Variants in BICC1 observed in about 807,000 individuals in gnomAD.
BICC1 encodes BicC family RNA binding protein 1, also known as protein bicaudal C homolog 1.
BICC1 carries 43 observed loss-of-function variants against 111.0 expected under a neutral mutation model. The observed-to-expected ratio is 0.39, with a 90% CI of 0.30 to 0.50. BICC1 has a LOEUF of 0.50. Among genes scored for constraint, BICC1 ranks in the 20% least tolerant of loss-of-function variants. BICC1 has a pLI of 0.88. For synonymous variants in BICC1, 467 were observed against 434.4 expected, an observed-to-expected ratio of 1.07 and a Z score of -0.93; for missense variants, 1,091 against 1,203.2, an observed-to-expected ratio of 0.91 and a Z score of 1.38.
At chr10:58,731,041 C>T (rs956062113) in intron 3 of BICC1, among the ~76,000 whole-genome samples, 3 of 152,208 alleles carry the variant, frequency 2.0e-5, no homozygotes, top group Non-Finnish European at 4.4e-5. Flanking sequence ...GTACCAGTTT[C>T]AGATAACATC....
intron 3 of BICC1, chr10:58,715,542 C>T: frequency 6.9e-7 from 1 of 1,459,414 alleles, no homozygotes; most frequent in Non-Finnish European, 9.6e-7. Flanking sequence ...ACTGTGTGCT[C>T]AGTCCAGCAC....
intron 3 of BICC1, among the ~76,000 whole-genome samples, chr10:58,769,814 TGAGGG>T (rs986072937): frequency 1.3e-5 from 2 of 152,078 alleles, no homozygotes; most frequent in African/African-American, 4.8e-5. Flanking sequence ...GCTAGGGAGC[TGAGGG>T]GAACTCAAAA....
At chr10:58,638,565 C>T (rs539890342) in intron 2 of BICC1, among the ~76,000 whole-genome samples, 1 of 152,298 alleles carries the variant, frequency 6.6e-6, no homozygotes, top group East Asian at 1.9e-4. Context: ...ACATGGGTCA[C>T]CCAGAGTTCA....
rs369213801 is a variant in BICC1, at chr10:58,800,229, A to T, written c.1761A>T (p.Ser587=). 6.2e-7 allele frequency: 1 copy of T among 1,609,534 alleles called. No homozygotes were observed. The highest frequency in any genetic ancestry group is 1.1e-5 in the South Asian group (1 of 90,896). ...TAAAATATGGTGCAATATCCACTTC[A>T]TCACTTGGAGAAAAAGTGCTGAGTG... ...PDIKYGAIST[S]SLGEKVLSAN... The change falls in exon 13 of 21, where the codon TCA becomes TCT. Residue 587 remains serine, a synonymous_variant. Transcript: ENST00000373886.
At position 58,715,641 on chromosome 10, in the gene BICC1, A is replaced by G. The variant is rs1050961862; in HGVS notation, c.307+13498A>G. ...TCCAATCCAGTCTTCAGGGCCAACA[A>G]TACAGGATTATCTGAATTGACCAAG... On this transcript the variant is annotated intron_variant, in intron 3 of 20. Coordinates refer to ENST00000373886, the MANE Select transcript of BICC1 (RefSeq NM_001080512.3). 3.7e-6 allele frequency: 6 copies of G among 1,605,632 alleles called. No individual in the cohort carries two copies. The African/African-American group carries it at 5.4e-5, about 14-fold the overall frequency.
chr10:58,589,461 C>T (rs369483160), intron 1 of BICC1, among the ~76,000 whole-genome samples: 4 of 148,846 alleles, frequency 2.7e-5, no homozygotes, highest in African/African-American at 9.9e-5. Flanking sequence ...TACAGCTTTA[C>T]TTTTTTTTTT....
At chr10:58,750,760 T>C (rs1188228223) in intron 3 of BICC1, among the ~76,000 whole-genome samples, 2 of 152,202 alleles carry the variant, frequency 1.3e-5, no homozygotes, top group Non-Finnish European at 2.9e-5. Flanking sequence ...ATAATCCAGC[T>C]ATTACCATTT....
chr10:58,789,932 T>C lies in BICC1; in HGVS notation c.1046T>C (p.Met349Thr). Residue 349 changes from methionine (M) to threonine (T), a missense_variant and splice_region_variant, in exon 8 of 21, where the codon ATG (methionine) becomes ACG (threonine). Met to Thr is a moderately conservative substitution (Grantham distance 81). Transcript: ENST00000373886. ...ESVCLARQYL[M>T]GCLPLVLMFD... ...GTCTGTCTTGCAAGGCAATATCTCA[T>C]GGTAAGGTTACTGAAATAAGTGTTA... The C allele has an allele frequency of 1.2e-6, 2 of 1,613,988 alleles. No homozygotes were observed. Among genetic ancestry groups the C allele is most frequent in the South Asian group, 1.1e-5 (1 of 91,058 alleles).
chr10:58,793,681 A>G, intron 9 of BICC1, 66 bp downstream of exon 9: 2 of 1,540,126 alleles, frequency 1.3e-6, no homozygotes, highest in East Asian at 2.3e-5. Context: ...TTTATTTTGC[A>G]TAGAAGTATT....
At chr10:58,802,647 A>G (rs1420068047) in intron 14 of BICC1, among the ~76,000 whole-genome samples, 2 of 152,210 alleles carry the variant, frequency 1.3e-5, no homozygotes, top group African/African-American at 4.8e-5. Flanking sequence ...CTTCAAATTG[A>G]CTGGATCTCT....
intron 1 of BICC1, among the ~76,000 whole-genome samples, chr10:58,571,458 A>C (rs1843948562): frequency 6.6e-6 from 1 of 151,914 alleles, no homozygotes. Context: ...CCCAGCATCC[A>C]CTACTTATTC....
At chr10:58,773,459 G>T (rs1842671213) in intron 3 of BICC1, among the ~76,000 whole-genome samples, 1 of 152,182 alleles carries the variant, frequency 6.6e-6, no homozygotes, top group Non-Finnish European at 1.5e-5. Flanking sequence ...AGCAAGCAAT[G>T]GATATTAATA....
At position 58,831,432 on chromosome 10, in the gene BICC1, G is replaced by A. The variant is rs1844547304; in HGVS notation, c.*2541G>A. 1.3e-5 allele frequency: 2 copies of A among 149,908 alleles called. No homozygotes were observed. The highest frequency in any genetic ancestry group is 1.5e-5 in the Non-Finnish European group (1 of 67,724). The allele number at this position is 149,908 out of a possible 1,614,324, so 9.3% of individuals were successfully genotyped here. On this transcript the variant is annotated 3_prime_UTR_variant, in exon 21 of 21. Transcript: ENST00000373886. ...TATATAACCCCTTTGTATTGCTCTT[G>A]CTATATGAAGCGTGTCTTTTTTTAA... is the stretch of plus-strand genomic sequence containing the variant.
chr10:58,829,252 G>A lies in BICC1; in HGVS notation c.*361G>A, dbSNP rs1309693706. ...AAAATGAAGGATGAATTGACATCTGGGATGCCAGAAGACTTAGAAGTTATT... is the reference window on the plus strand; with the variant it reads ...AAAATGAAGGATGAATTGACATCTGAGATGCCAGAAGACTTAGAAGTTATT... On this transcript the variant is annotated 3_prime_UTR_variant, in exon 21 of 21. Coordinates refer to ENST00000373886, the MANE Select transcript of BICC1 (RefSeq NM_001080512.3). 5.0e-5 allele frequency: 7 copies of A among 140,096 alleles called. No homozygotes were observed. Among genetic ancestry groups the A allele is most frequent in the African/African-American group, 2.0e-4 (7 of 35,164 alleles). 8.7% of individuals were successfully genotyped at this position (140,096 alleles called of 1,614,324 possible). A position where few individuals can be genotyped will look rare whatever the true frequency, so the allele number is the denominator to read the frequency against.
intron 3 of BICC1, among the ~76,000 whole-genome samples, chr10:58,757,486 A>G (rs1253462309): frequency 1.3e-5 from 2 of 152,164 alleles, no homozygotes; most frequent in Admixed American, 1.3e-4. Flanking sequence ...TTAAGAATGC[A>G]GAAGTAAATA....
chr10:58,569,352 T>A (rs1481764839), intron 1 of BICC1, among the ~76,000 whole-genome samples: 1 of 152,164 alleles, frequency 6.6e-6, no homozygotes, highest in Non-Finnish European at 1.5e-5. Flanking sequence ...AAGGAATATA[T>A]GTACATGCCA....
At position 58,683,983 on chromosome 10, in the gene BICC1, C is replaced by T. The variant is rs151326087; in HGVS notation, c.238-18091C>T. On this transcript the variant is annotated intron_variant, in intron 2 of 20. Coordinates refer to ENST00000373886, the MANE Select transcript of BICC1 (RefSeq NM_001080512.3). ...TCAAAGGGAATACTTCCAGTTTTTG[C>T]CCATTCAGTATAAAATTGGCTGTGG... Among the ~76,000 whole-genome samples the T allele has an allele frequency of 7.8e-3, 1,193 of 152,234 alleles. 19 individuals carry two copies. Among genetic ancestry groups the T allele is most frequent in the African/African-American group, 0.027 (1,140 of 41,526 alleles).
chr10:58,693,401 G>GT (rs1481226006), intron 2 of BICC1, among the ~76,000 whole-genome samples: 1 of 152,172 alleles, frequency 6.6e-6, no homozygotes, highest in African/African-American at 2.4e-5. Context: ...GGGTCAAATG[G>GT]TATTTCTAGT....
intron 20 of BICC1, among the ~76,000 whole-genome samples, chr10:58,822,284 A>AT (rs1191233443): frequency 4.6e-5 from 7 of 152,020 alleles, no homozygotes; most frequent in African/African-American, 7.2e-5. Flanking sequence ...AACTAAGTTC[A>AT]TTTTTTGGTG....
Sources: gnomAD v4.1 joint callset for allele counts (sites outside exome capture counted in the v4.1 genomes callset) on GRCh38, gnomAD v4.1.1 for gene constraint, MANE v1.5 for transcripts, NCBI Gene and HGNC (gene_info 2026-07-23, HGNC 2026-07-21) for gene names.